The following NCKAP5 variants were observed in gnomAD, a reference collection of about 807,000 sequenced individuals.
NCKAP5 encodes the protein NCK associated protein 5.
In NCKAP5, 92 loss-of-function variants were observed where a neutral mutation model predicts 167.0. The ratio of observed to expected loss-of-function variants is 0.55; its 90% CI spans 0.47 to 0.66. The LOEUF is 0.66. NCKAP5 is among the 30% of genes least tolerant of loss of function. NCKAP5 has a pLI of 0.00. For missense variants in NCKAP5, 2,378 were observed against 2,315.0 expected, an observed-to-expected ratio of 1.03 and a Z score of -0.56; for synonymous variants, 891 against 877.4, an observed-to-expected ratio of 1.02 and a Z score of -0.27.
intron 16 of NCKAP5, among the ~76,000 whole-genome samples, chr2:132,764,856 A>T (rs1312552056): frequency 1.3e-5 from 2 of 152,192 alleles, no homozygotes; most frequent in African/African-American, 4.8e-5. Flanking sequence ...ACTTTCTAAG[A>T]TACACTTTTA....
chr2:133,233,432 T>G (rs2087246011), intron 4 of NCKAP5, among the ~76,000 whole-genome samples: 1 of 152,100 alleles, frequency 6.6e-6, no homozygotes, highest in Non-Finnish European at 1.5e-5. Context: ...TACATACATA[T>G]TGCATTGAAA....
intron 19 of NCKAP5, chr2:132,714,972 G>A (rs956037159): frequency 5.0e-5 from 22 of 437,360 alleles, no homozygotes; most frequent in South Asian, 2.3e-4. Context: ...TGTGTAATTC[G>A]CTGAGTAATA....
the NCKAP5 span, among the ~76,000 whole-genome samples, chr2:133,632,973 C>T: frequency 1.4e-4 from 21 of 152,270 alleles, no homozygotes; most frequent in East Asian, 2.7e-3. Flanking sequence ...CTGGACACAC[C>T]GGTAGCTTGG....
intron 8 of NCKAP5, among the ~76,000 whole-genome samples, chr2:132,913,315 A>G (rs939109063): frequency 6.6e-6 from 1 of 152,070 alleles, no homozygotes; most frequent in Non-Finnish European, 1.5e-5. Flanking sequence ...CTATCTTTAC[A>G]CCATGTCATG....
At position 132,905,994 on chromosome 2, in the gene NCKAP5, A is replaced by C. The variant is rs546102941; in HGVS notation, c.580-27078T>G. 2.6e-5 allele frequency among the ~76,000 whole-genome samples: 4 copies of C among 152,352 alleles called. No individual in the cohort carries two copies. In the South Asian group the frequency reaches 8.3e-4, roughly 32 times the overall value. On this transcript the variant is annotated intron_variant, in intron 8 of 19. Coordinates refer to ENST00000409261, the MANE Select transcript of NCKAP5 (RefSeq NM_207363.3). ...CATTGATGTGATTGTTCCTGACTGC[A>C]GTAAATAGCTCCAGCATATTTTTCT...
intron 4 of NCKAP5, among the ~76,000 whole-genome samples, chr2:133,277,190 G>T (rs2089764452): frequency 6.6e-6 from 1 of 152,066 alleles, no homozygotes; most frequent in South Asian, 2.1e-4. Context: ...ATGCAATTAT[G>T]CAAGATAAAT....
At chr2:132,720,708 A>G (rs1394683717) in intron 19 of NCKAP5, among the ~76,000 whole-genome samples, 1 of 152,184 alleles carries the variant, frequency 6.6e-6, no homozygotes, top group Non-Finnish European at 1.5e-5. Context: ...TCTCCTGCCT[A>G]AGGGAAATTC....
At chr2:133,161,548 C>T (rs1486698643) in intron 5 of NCKAP5, among the ~76,000 whole-genome samples, 1 of 152,176 alleles carries the variant, frequency 6.6e-6, no homozygotes, top group Non-Finnish European at 1.5e-5. Context: ...TAGCTCTGTA[C>T]TGTTGATGCT....
chr2:133,536,174 C>A (rs1335366986), intron 2 of NCKAP5, among the ~76,000 whole-genome samples: 1 of 151,988 alleles, frequency 6.6e-6, no homozygotes, highest in African/African-American at 2.4e-5. Flanking sequence ...TGTTTTGTTG[C>A]ATTGGCTTTT....
intron 1 of NCKAP5, among the ~76,000 whole-genome samples, chr2:133,561,733 G>A (rs72994239): frequency 0.059 from 8,977 of 152,104 alleles, 802 homozygotes; most frequent in African/African-American, 0.18. Flanking sequence ...CTTGGCAACT[G>A]ACAAAAAAAG....
intron 12 of NCKAP5, among the ~76,000 whole-genome samples, chr2:132,796,304 T>C (rs543681906): frequency 1.3e-5 from 2 of 152,192 alleles, no homozygotes; most frequent in Non-Finnish European, 2.9e-5. Flanking sequence ...ATCATAAAAG[T>C]AGGATGAATA....
the NCKAP5 span, among the ~76,000 whole-genome samples, chr2:133,626,654 T>A: frequency 4.6e-5 from 7 of 152,004 alleles, no homozygotes; most frequent in African/African-American, 1.7e-4. Flanking sequence ...TTTAAAAGAG[T>A]CTTTATCTTT....
chr2:132,817,047 C>T (rs1019698090), intron 11 of NCKAP5, among the ~76,000 whole-genome samples: 2 of 152,188 alleles, frequency 1.3e-5, no homozygotes, highest in African/African-American at 4.8e-5. Flanking sequence ...ACATATCTTA[C>T]AATATGAAAA....
At chr2:132,817,371 G>C (rs1686356760) in intron 11 of NCKAP5, among the ~76,000 whole-genome samples, 1 of 152,078 alleles carries the variant, frequency 6.6e-6, no homozygotes, top group African/African-American at 2.4e-5. Context: ...CACACAGGCT[G>C]ATGCTATCAA....
intron 5 of NCKAP5, among the ~76,000 whole-genome samples, chr2:133,174,774 A>G (rs59027981): frequency 0.046 from 6,823 of 148,556 alleles, 495 homozygotes; most frequent in African/African-American, 0.16. Context: ...AGTTCATTTT[A>G]CTCTACAAGA....
intron 16 of NCKAP5, among the ~76,000 whole-genome samples, chr2:132,766,040 G>A (rs1177442504): frequency 6.6e-6 from 1 of 151,972 alleles, no homozygotes; most frequent in Non-Finnish European, 1.5e-5. Flanking sequence ...CCGGCACTTT[G>A]GGAGGCCAAA....
Position 133,213,773 on chromosome 2 carries a change from C to T in NCKAP5, c.150G>A (p.Lys50=). 1 of 1,613,818 alleles carries T rather than the reference C, an allele frequency of 6.2e-7. No homozygotes were observed. The highest frequency in any genetic ancestry group is 8.5e-7 in the Non-Finnish European group (1 of 1,179,792). Residue 50 remains lysine (K), a synonymous_variant, in exon 5 of 20, where the codon AAG becomes AAA. Coordinates refer to ENST00000409261, the MANE Select transcript of NCKAP5 (RefSeq NM_207363.3). ...CTCGCTGTAGTCGGGCCACTGCCAA[C>T]TTCTCCCTGAAGAAACAAAAACACA... ...EEQHRSLWRE[K]LAVARLQREV...
intron 6 of NCKAP5, among the ~76,000 whole-genome samples, chr2:133,103,954 T>G (rs1054511489): frequency 1.3e-5 from 2 of 151,418 alleles, no homozygotes; most frequent in Non-Finnish European, 3.0e-5. Flanking sequence ...TCATGGTACC[T>G]TCTTTTCAAC....
the NCKAP5 span, among the ~76,000 whole-genome samples, chr2:133,614,034 C>T: frequency 2.0e-5 from 3 of 152,158 alleles, no homozygotes; most frequent in African/African-American, 7.2e-5. Flanking sequence ...ATGGACAGAG[C>T]AATGTGTGGA....
Sources: gnomAD v4.1 joint callset for allele counts (sites outside exome capture counted in the v4.1 genomes callset) on GRCh38, gnomAD v4.1.1 for gene constraint, MANE v1.5 for transcripts, NCBI Gene and HGNC (gene_info 2026-07-23, HGNC 2026-07-21) for gene names.